The following PLK1 variants were observed in gnomAD, a reference collection of about 807,000 sequenced individuals.
The protein encoded by PLK1 is polo like kinase 1.
In PLK1, 6 loss-of-function variants were observed where a neutral mutation model predicts 56.7. The ratio of observed to expected loss-of-function variants is 0.11; its 90% CI spans 0.06 to 0.21. PLK1 has a LOEUF of 0.21. Among genes scored for constraint, PLK1 ranks in the 10% least tolerant of loss-of-function variants. The pLI, the probability that PLK1 is intolerant of heterozygous loss-of-function variation, is 1.00. For missense variants in PLK1, 546 were observed against 814.4 expected, an observed-to-expected ratio of 0.67 and a Z score of 4.01; for synonymous variants, 298 against 325.0, an observed-to-expected ratio of 0.92 and a Z score of 0.89.
At chr16:23,681,606 T>TC (rs747331435) in intron 3 of PLK1, among the ~76,000 whole-genome samples, 4 of 152,320 alleles carry the variant, frequency 2.6e-5, no homozygotes, top group South Asian at 4.1e-4. Context: ...TCTTTCTTGT[T>TC]TTGGGCCTAG....
At chr16:23,684,173 T>A in intron 5 of PLK1, 84 bp downstream of exon 5, 1 of 1,067,282 alleles carries the variant, frequency 9.4e-7, no homozygotes, top group Non-Finnish European at 1.4e-6. Flanking sequence ...TCCCTGGCCC[T>A]GAGAGCTCAG....
chr16:23,682,985 CT>C (rs1031796646), intron 4 of PLK1, among the ~76,000 whole-genome samples: 162 of 91,504 alleles, frequency 1.8e-3, no homozygotes, highest in African/African-American at 3.1e-3. Context: ...TGTGCATTTT[CT>C]TTTTTTTTTT....
Position 23,689,438 on chromosome 16 carries a change from C to G in PLK1, c.1425+46C>G. ...GGGGGGTGGTGTTGCAGAAGTGGGACCTGTGCTGGAGGATCAGACTCTAAT... is the reference window on the plus strand; with the variant it reads ...GGGGGGTGGTGTTGCAGAAGTGGGAGCTGTGCTGGAGGATCAGACTCTAAT... On this transcript the variant is annotated intron_variant, in intron 8 of 9. Transcript: ENST00000300093. The surrounding 1 kb of genome is among the most constrained non-coding windows in gnomAD (Gnocchi z 4.8). 6.2e-7 allele frequency: 1 copy of G among 1,600,054 alleles called. No individual in the cohort carries two copies.
chr16:23,689,434 G>A lies in PLK1; in HGVS notation c.1425+42G>A, dbSNP rs1395275045. On this transcript the variant is annotated intron_variant, in intron 8 of 9. Coordinates refer to ENST00000300093, the MANE Select transcript of PLK1 (RefSeq NM_005030.6). The surrounding 1 kb of genome is among the most constrained non-coding windows in gnomAD (Gnocchi z 4.8). ...CCATGGGGGGTGGTGTTGCAGAAGTGGGACCTGTGCTGGAGGATCAGACTC... is the reference window on the plus strand; with the variant it reads ...CCATGGGGGGTGGTGTTGCAGAAGTAGGACCTGTGCTGGAGGATCAGACTC... 1 of 1,600,488 alleles carries A rather than the reference G, an allele frequency of 6.2e-7. No homozygotes were observed. The highest frequency in any genetic ancestry group is 1.1e-5 in the South Asian group (1 of 90,822).
At chr16:23,684,736 C>A (rs1241338546) in intron 5 of PLK1, among the ~76,000 whole-genome samples, 6 of 152,046 alleles carry the variant, frequency 3.9e-5, no homozygotes, top group African/African-American at 1.5e-4. Flanking sequence ...CGGCTCACTG[C>A]AAGCTCTGCC....
chr16:23,678,974 G>A lies in PLK1; in HGVS notation c.42G>A (p.Pro14=), dbSNP rs1959276935. 1 of 1,588,124 alleles carries A rather than the reference G, an allele frequency of 6.3e-7. No homozygotes were observed. The highest frequency in any genetic ancestry group is 8.6e-7 in the Non-Finnish European group (1 of 1,167,912). Residue 14 remains proline (P), a synonymous_variant, in exon 1 of 10, where the codon CCG becomes CCA. Coordinates refer to ENST00000300093, the MANE Select transcript of PLK1 (RefSeq NM_005030.6). The part of the protein sequence containing the change: ...AVTAGKLARA[P]ADPGKAGVPG... Reference sequence around the variant, plus strand: ...CTGCAGGGAAGCTGGCACGGGCACCGGCCGACCCTGGGAAAGCCGGGGTCC... The same window carrying A: ...CTGCAGGGAAGCTGGCACGGGCACCAGCCGACCCTGGGAAAGCCGGGGTCC...
chr16:23,679,581 A>C (rs1959298612), intron 1 of PLK1: 1 of 498,046 alleles, frequency 2.0e-6, no homozygotes. Context: ...CTGATAGGGA[A>C]GTCAGCTTCT....
intron 4 of PLK1, among the ~76,000 whole-genome samples, chr16:23,683,528 C>T (rs1959374272): frequency 6.6e-6 from 1 of 152,122 alleles, no homozygotes; most frequent in Non-Finnish European, 1.5e-5. Flanking sequence ...CACTTTCCTC[C>T]TCTGTGAAAA....
Position 23,689,690 on chromosome 16 carries a change from C to T in PLK1, c.1608+14C>T. 6.3e-7 allele frequency: 1 copy of T among 1,591,676 alleles called. No individual in the cohort carries two copies. Among genetic ancestry groups the T allele is most frequent in the Non-Finnish European group, 8.6e-7 (1 of 1,168,612 alleles). ...AACTTCTTCCAGGTGAGCTGGAGGT[C>T]ACCAGGCGCAGGAGAGAGCTGGGGT... On this transcript the variant is annotated intron_variant, in intron 9 of 9. Transcript: ENST00000300093. This position sits in a 1 kb window ranked among gnomAD's most constrained non-coding sequence, Gnocchi z 4.8.
chr16:23,690,011 T>C lies in PLK1; in HGVS notation c.1760T>C (p.Val587Ala). The C allele has an allele frequency of 6.2e-7, 1 of 1,613,330 alleles. No individual in the cohort carries two copies. The highest frequency in any genetic ancestry group is 8.5e-7 in the Non-Finnish European group (1 of 1,180,010). ...CGGCTCCGCTACGCCCGCACTATGG[T>C]GGACAAGCTGCTGAGCTCACGCTCG... ...ASRLRYARTM[V>A]DKLLSSRSAS... is the part of the protein sequence containing the mutation. Residue 587 changes from valine to alanine, a missense_variant, in exon 10 of 10, where the codon GTG becomes GCG. This residue lies in a region of PLK1 where 72 missense variants were observed against 77.9 expected (regional missense o/e 0.92). Coordinates refer to ENST00000300093, the MANE Select transcript of PLK1 (RefSeq NM_005030.6).
intron 5 of PLK1, 98 bp from the exon 6 acceptor site, chr16:23,687,371 C>A: frequency 2.0e-6 from 2 of 1,007,040 alleles, no homozygotes; most frequent in Non-Finnish European, 2.9e-6. Context: ...TTCCCCAAAG[C>A]AGTGGTAGCT....
chr16:23,687,360 T>C, intron 5 of PLK1, 109 bp from the exon 6 acceptor site: 4 of 890,088 alleles, frequency 4.5e-6, no homozygotes. Context: ...ACTGATTCAG[T>C]TTCCCCAAAG....
In PLK1 at chr16:23,688,610, G is replaced by A. The variant is rs932613060; in HGVS notation, c.1193-58G>A. 5 of 1,321,840 alleles carry A rather than the reference G, an allele frequency of 3.8e-6. No homozygotes were observed. The Admixed American group carries it at 5.0e-5, about 13-fold the overall frequency. The allele number at this position is 1,321,840 out of a possible 1,614,324, so 81.9% of individuals were successfully genotyped here. On this transcript the variant is annotated intron_variant, in intron 6 of 9. Coordinates refer to ENST00000300093, the MANE Select transcript of PLK1 (RefSeq NM_005030.6). ...TTCCCTGGTGTGGGCCACATGTGTG[G>A]AGCAGAGGGGAAGAGGCTGGTCCTG...
At chr16:23,687,662 T>C in intron 6 of PLK1, 38 bp downstream of exon 6, 8 of 1,462,596 alleles carry the variant, frequency 5.5e-6, no homozygotes, top group Non-Finnish European at 7.4e-6. Context: ...CAGGATTGCT[T>C]GGGGCATCTG....
chr16:23,681,242 G>A (rs17806684), intron 3 of PLK1, among the ~76,000 whole-genome samples, 184 bp downstream of exon 3: 2,835 of 152,258 alleles, frequency 0.019, 41 homozygotes, highest in Non-Finnish European at 0.028. Context: ...GTATCCTGTC[G>A]GATTTCTGCA....
At chr16:23,684,825 T>A (rs1161605640) in intron 5 of PLK1, among the ~76,000 whole-genome samples, 1 of 151,938 alleles carries the variant, frequency 6.6e-6, no homozygotes, top group Non-Finnish European at 1.5e-5. Flanking sequence ...GCCCGGCTGT[T>A]TTTTTGTATC....
chr16:23,685,565 G>A (rs1410157090), intron 5 of PLK1, among the ~76,000 whole-genome samples: 2 of 151,986 alleles, frequency 1.3e-5, no homozygotes, highest in Non-Finnish European at 2.9e-5. Flanking sequence ...AAGACTAGCC[G>A]GGCGTGGTGG....
At chr16:23,680,788 C>T in intron 2 of PLK1, 126 bp from the exon 3 acceptor site, 1 of 904,038 alleles carries the variant, frequency 1.1e-6, no homozygotes, top group Non-Finnish European at 1.7e-6. Context: ...TTGCTACATA[C>T]AAGGAGCAGA....
Position 23,689,607 on chromosome 16 carries a change from C to T in PLK1, c.1539C>T (p.Thr513=), listed in dbSNP as rs1959505073. 1.2e-6 allele frequency: 2 copies of T among 1,613,270 alleles called. No individual in the cohort carries two copies. Among genetic ancestry groups the T allele is most frequent in the South Asian group, 1.1e-5 (1 of 91,088 alleles). The change falls in exon 9 of 10, where the codon ACC becomes ACT. Residue 513 remains threonine (T), a synonymous_variant. Coordinates refer to ENST00000300093, the MANE Select transcript of PLK1 (RefSeq NM_005030.6). The surrounding 1 kb of genome is among the most constrained non-coding windows in gnomAD (Gnocchi z 4.8). ...DELARLPYLR[T]WFRTRSAIIL... is the part of the protein sequence containing the mutation. ...TCGCCCGGCTGCCCTACCTACGGAC[C>T]TGGTTCCGCACCCGCAGCGCCATCA... is the stretch of plus-strand genomic sequence containing the variant.
Sources: allele counts gnomAD v4.1 joint callset (sites outside exome capture counted in the v4.1 genomes callset), GRCh38; gene constraint gnomAD v4.1.1; regional missense constraint gnomAD v4.1.1; non-coding constraint Gnocchi (gnomAD v3.1); transcripts MANE v1.5; gene names NCBI Gene and HGNC (gene_info 2026-07-23, HGNC 2026-07-21).